The following GPHN variants were observed in gnomAD, a reference collection of about 807,000 sequenced individuals.
GPHN encodes the protein gephyrin.
Under a neutral mutation model 95.5 loss-of-function variants are expected in GPHN, and 17 were observed. The ratio of observed to expected loss-of-function variants is 0.18; its 90% CI spans 0.12 to 0.27. GPHN has a LOEUF of 0.27. GPHN is among the 10% of genes least tolerant of loss of function. GPHN has a pLI of 1.00. For missense variants in GPHN, 660 were observed against 978.1 expected, an observed-to-expected ratio of 0.67 and a Z score of 4.34; for synonymous variants, 320 against 322.5, an observed-to-expected ratio of 0.99 and a Z score of 0.08.
the GPHN span, chr14:67,225,056 C>G: frequency 2.6e-5 from 36 of 1,380,852 alleles, no homozygotes; most frequent in Non-Finnish European, 3.1e-5. Flanking sequence ...TTTTTTCTTT[C>G]TCACTTCCTC....
intron 21 of GPHN, among the ~76,000 whole-genome samples, chr14:67,172,088 A>G (rs1199731089): frequency 6.6e-6 from 1 of 152,142 alleles, no homozygotes; most frequent in African/African-American, 2.4e-5. Context: ...AATTGGAACT[A>G]TGGCTAGAGT....
chr14:66,560,802 G>T (rs1353175128), intron 1 of GPHN, among the ~76,000 whole-genome samples: 1 of 152,124 alleles, frequency 6.6e-6, no homozygotes. Context: ...GTGAGAGAGG[G>T]CATCCCTATC....
chr14:67,436,999 C>T, the GPHN span, among the ~76,000 whole-genome samples: 5 of 152,270 alleles, frequency 3.3e-5, no homozygotes, highest in East Asian at 7.7e-4. Context: ...AAGGCTGCAG[C>T]GAGCCATGAT....
chr14:67,094,208 A>C (rs950591772), intron 12 of GPHN, among the ~76,000 whole-genome samples: 6 of 152,130 alleles, frequency 3.9e-5, no homozygotes, highest in Admixed American at 1.3e-4. Context: ...TGTGTACACA[A>C]TGAGTAGTTA....
the GPHN span, among the ~76,000 whole-genome samples, chr14:67,481,291 A>C: frequency 6.6e-6 from 1 of 152,298 alleles, no homozygotes; most frequent in Non-Finnish European, 1.5e-5. Context: ...CTTAAAAAAG[A>C]AAGAAAGAAA....
At chr14:67,486,349 AC>A in the GPHN span, among the ~76,000 whole-genome samples, 1 of 152,244 alleles carries the variant, frequency 6.6e-6, no homozygotes, top group Non-Finnish European at 1.5e-5. Context: ...ATCTTGGCTC[AC>A]TGCAACCTCT....
the GPHN span, among the ~76,000 whole-genome samples, chr14:67,371,566 C>G: frequency 6.6e-6 from 1 of 152,166 alleles, no homozygotes; most frequent in African/African-American, 2.4e-5. Flanking sequence ...CCTATACACA[C>G]ATAGGTTGTT....
intron 12 of GPHN, among the ~76,000 whole-genome samples, chr14:67,089,888 G>A (rs1340744578): frequency 6.6e-6 from 1 of 152,056 alleles, no homozygotes; most frequent in Non-Finnish European, 1.5e-5. Flanking sequence ...TGTAAATTCT[G>A]AATTGCTTAG....
intron 1 of GPHN, among the ~76,000 whole-genome samples, chr14:66,651,598 T>C (rs1049064924): frequency 6.6e-6 from 1 of 152,138 alleles, no homozygotes; most frequent in African/African-American, 2.4e-5. Flanking sequence ...ACTGCTTGAC[T>C]TCAAATTATG....
intron 1 of GPHN, among the ~76,000 whole-genome samples, chr14:66,660,397 A>G (rs886988664): frequency 1.3e-5 from 2 of 152,178 alleles, no homozygotes; most frequent in Non-Finnish European, 2.9e-5. Flanking sequence ...TTTGCCTACT[A>G]TTATAATGTT....
chr14:67,567,524 C>T, the GPHN span, among the ~76,000 whole-genome samples: 4 of 151,878 alleles, frequency 2.6e-5, no homozygotes, highest in African/African-American at 4.8e-5. Flanking sequence ...TTTACTTGGG[C>T]TCGATGTATC....
the GPHN span, among the ~76,000 whole-genome samples, chr14:67,232,280 G>A: frequency 6.6e-6 from 1 of 152,106 alleles, no homozygotes; most frequent in Non-Finnish European, 1.5e-5. Context: ...CATTTGCCTT[G>A]GGGGAAACCA....
chr14:66,966,337 A>C (rs941632884), intron 9 of GPHN, among the ~76,000 whole-genome samples: 2 of 152,084 alleles, frequency 1.3e-5, no homozygotes, highest in Admixed American at 1.3e-4. Context: ...ACTTGTTACA[A>C]TCTTCTCAGC....
the GPHN span, among the ~76,000 whole-genome samples, chr14:67,228,092 C>G: frequency 6.6e-6 from 1 of 151,674 alleles, no homozygotes; most frequent in Admixed American, 6.6e-5. Flanking sequence ...ATTGCTTGAA[C>G]CCAGGAGGCA....
intron 10 of GPHN, among the ~76,000 whole-genome samples, chr14:67,052,172 T>C (rs1169222211): frequency 2.0e-5 from 3 of 152,000 alleles, no homozygotes; most frequent in African/African-American, 7.3e-5. Context: ...GCAAGCTGGA[T>C]AAAGAGTCAA....
the GPHN span, among the ~76,000 whole-genome samples, chr14:67,720,392 C>T: frequency 6.6e-6 from 1 of 152,086 alleles, no homozygotes; most frequent in South Asian, 2.1e-4. Flanking sequence ...TTTTAGTTTT[C>T]AGTTTCCTGT....
intron 12 of GPHN, among the ~76,000 whole-genome samples, chr14:67,098,520 A>AT (rs1415419687): frequency 6.6e-6 from 1 of 152,090 alleles, no homozygotes; most frequent in African/African-American, 2.4e-5. Flanking sequence ...GTAAAAAAAA[A>AT]GAAAATGGGT....
chr14:66,646,697 A>G (rs1244999166), intron 1 of GPHN, among the ~76,000 whole-genome samples: 1 of 151,948 alleles, frequency 6.6e-6, no homozygotes, highest in African/African-American at 2.4e-5. Flanking sequence ...TAAAAACAGA[A>G]TGTAGAATGG....
the GPHN span, among the ~76,000 whole-genome samples, chr14:67,208,827 G>T: frequency 1.3e-5 from 2 of 150,996 alleles, no homozygotes; most frequent in Admixed American, 1.3e-4. Context: ...AACTCAGAAG[G>T]CAGAGGTTGC....
Sources: gnomAD v4.1 joint callset for allele counts (sites outside exome capture counted in the v4.1 genomes callset) on GRCh38, gnomAD v4.1.1 for gene constraint, MANE v1.5 for transcripts, NCBI Gene and HGNC (gene_info 2026-07-23, HGNC 2026-07-21) for gene names.